METTL15: variants seen among roughly 807,000 people sequenced by gnomAD.
METTL15 encodes methyltransferase 15, mitochondrial 12S rRNA N4-cytidine.
Under a neutral mutation model 38.3 loss-of-function variants are expected in METTL15, and 34 were observed. That is an observed-to-expected ratio of 0.89 (90% confidence interval 0.68 to 1.18). The LOEUF (loss-of-function observed/expected upper bound fraction) is 1.18. METTL15 is among the 50% of genes most tolerant of loss of function. METTL15 has a pLI of 0.00. For missense variants in METTL15, 438 were observed against 498.4 expected, an observed-to-expected ratio of 0.88 and a Z score of 1.15; for synonymous variants, 162 against 170.9, an observed-to-expected ratio of 0.95 and a Z score of 0.41.
chr11:28,131,118 C>T (rs1026009874), intron 3 of METTL15, among the ~76,000 whole-genome samples: 3 of 151,960 alleles, frequency 2.0e-5, no homozygotes, highest in African/African-American at 4.8e-5. Flanking sequence ...TCAGAATGCC[C>T]CCATTGAGCA....
chr11:28,363,504 G>T (rs1404603287), intron 5 of METTL15, among the ~76,000 whole-genome samples: 1 of 152,140 alleles, frequency 6.6e-6, no homozygotes, highest in South Asian at 2.1e-4. Flanking sequence ...AGAAGTGTCT[G>T]TTCATGTCCT....
intron 5 of METTL15, among the ~76,000 whole-genome samples, chr11:28,395,115 C>G (rs569202851): frequency 2.6e-5 from 4 of 152,180 alleles, no homozygotes; most frequent in African/African-American, 9.6e-5. Flanking sequence ...TCTGCCCTCA[C>G]TTGACAATTA....
At chr11:28,432,859 G>A (rs1387861498) in intron 6 of METTL15, among the ~76,000 whole-genome samples, 4 of 151,954 alleles carry the variant, frequency 2.6e-5, no homozygotes, top group Admixed American at 6.6e-5. Context: ...CCATAACCTA[G>A]TGAAGCATTC....
At chr11:28,316,322 C>T (rs552984780) in intron 6 of METTL15, among the ~76,000 whole-genome samples, 99 of 152,184 alleles carry the variant, frequency 6.5e-4, no homozygotes, top group Non-Finnish European at 1.2e-3. Context: ...TTTGACTGCC[C>T]TACTGGATTT....
chr11:28,438,101 A>G (rs1850999066), intron 6 of METTL15, among the ~76,000 whole-genome samples: 1 of 152,264 alleles, frequency 6.6e-6, no homozygotes, highest in Non-Finnish European at 1.5e-5. Flanking sequence ...TTAAGAAGTT[A>G]CACTTTACAT....
At chr11:28,495,472 G>C (rs976528352) in intron 6 of METTL15, among the ~76,000 whole-genome samples, 2 of 152,154 alleles carry the variant, frequency 1.3e-5, no homozygotes, top group African/African-American at 4.8e-5. Context: ...GCTTGTAAGG[G>C]GGGTGTCCAC....
intron 4 of METTL15, among the ~76,000 whole-genome samples, chr11:28,252,688 T>G (rs1315135701): frequency 3.9e-5 from 6 of 152,108 alleles, no homozygotes; most frequent in Admixed American, 3.9e-4. Flanking sequence ...GGGAGCATCC[T>G]CATCAATAAA....
intron 3 of METTL15, among the ~76,000 whole-genome samples, chr11:28,338,960 G>A (rs902583736): frequency 1.3e-5 from 2 of 152,136 alleles, no homozygotes; most frequent in Admixed American, 6.6e-5. Context: ...ATCAGCATTT[G>A]TAGCTGCCAA....
intron 4 of METTL15, among the ~76,000 whole-genome samples, chr11:28,231,790 T>G (rs1286474684): frequency 6.6e-6 from 1 of 151,918 alleles, no homozygotes; most frequent in African/African-American, 2.4e-5. Context: ...TTGATTTAAA[T>G]TTTTCTCTTC....
intron 6 of METTL15, among the ~76,000 whole-genome samples, chr11:28,490,968 A>G (rs1851489529): frequency 1.3e-5 from 2 of 152,216 alleles, no homozygotes; most frequent in Admixed American, 6.5e-5. Context: ...TATGAAATAA[A>G]AACACTGTCT....
rs778789037 is a variant in METTL15 at position 28,211,113 on chromosome 11, CAGA to C, written c.325_327del (p.Lys109del). On this transcript the variant is annotated inframe_deletion, in exon 4 of 7. Coordinates refer to ENST00000407364, the MANE Select transcript of METTL15 (RefSeq NM_001113528.2). ...GGGAGGGCACACAAAAGCCATTCTGCAGAAGGAGTCAGATATTGTTCTCTATGC... is the reference window on the plus strand; with the variant it reads ...GGGAGGGCACACAAAAGCCATTCTGCAGGAGTCAGATATTGTTCTCTATGC... The C allele has an allele frequency of 2.5e-6, 4 of 1,612,250 alleles. No individual in the cohort carries two copies. In the African/African-American group the frequency reaches 5.3e-5, roughly 22 times the overall value.
intron 6 of METTL15, among the ~76,000 whole-genome samples, chr11:28,481,221 T>C (rs920737989): frequency 1.3e-5 from 2 of 152,168 alleles, no homozygotes; most frequent in African/African-American, 4.8e-5. Context: ...CCCTAACTCA[T>C]ATCCATGTGG....
intron 6 of METTL15, among the ~76,000 whole-genome samples, chr11:28,460,955 G>T (rs1329013064): frequency 6.6e-6 from 1 of 152,050 alleles, no homozygotes; most frequent in Non-Finnish European, 1.5e-5. Flanking sequence ...GGTAGGTTGG[G>T]AGTAGATAGA....
intron 6 of METTL15, among the ~76,000 whole-genome samples, chr11:28,521,947 C>T (rs778489966): frequency 6.6e-6 from 1 of 152,156 alleles, no homozygotes; most frequent in South Asian, 2.1e-4. Context: ...TGGCAAGAAT[C>T]CTTTTACTAA....
chr11:28,500,908 A>G (rs1019648144), intron 6 of METTL15, among the ~76,000 whole-genome samples: 1 of 152,204 alleles, frequency 6.6e-6, no homozygotes, highest in African/African-American at 2.4e-5. Context: ...TATCTATCAC[A>G]TTTCAGCAGG....
At chr11:28,466,871 A>G (rs1023482708) in intron 6 of METTL15, among the ~76,000 whole-genome samples, 8 of 152,308 alleles carry the variant, frequency 5.3e-5, no homozygotes, top group Admixed American at 1.3e-4. Context: ...TGGGCAACAC[A>G]TGTAGAGCCT....
At chr11:28,481,544 T>G (rs1008158841) in intron 6 of METTL15, among the ~76,000 whole-genome samples, 4 of 152,160 alleles carry the variant, frequency 2.6e-5, no homozygotes, top group Admixed American at 1.3e-4. Flanking sequence ...TTCAGCTGAC[T>G]TTTCCCCTCT....
At chr11:28,131,758 T>G (rs1159604153) in intron 3 of METTL15, among the ~76,000 whole-genome samples, 1 of 152,190 alleles carries the variant, frequency 6.6e-6, no homozygotes. Context: ...TTGGCCAACT[T>G]TAACAGTTTT....
intron 3 of METTL15, among the ~76,000 whole-genome samples, chr11:28,194,174 T>TTCTTTC (rs1191633285): frequency 1.2e-3 from 66 of 54,298 alleles, no homozygotes; most frequent in East Asian, 4.5e-3. Context: ...CTTTCTTTCT[T>TTCTTTC]TTTCTCTCTC....
Sources: gnomAD v4.1 joint callset for allele counts (sites outside exome capture counted in the v4.1 genomes callset) on GRCh38, gnomAD v4.1.1 for gene constraint, MANE v1.5 for transcripts, NCBI Gene and HGNC (gene_info 2026-07-23, HGNC 2026-07-21) for gene names.